Variants in RFX8 observed in about 807,000 individuals in gnomAD.
RFX8 encodes the protein regulatory factor X8.
A neutral mutation model predicts 54.6 loss-of-function variants in RFX8; 46 were observed. The ratio of observed to expected loss-of-function variants is 0.84; its 90% CI spans 0.67 to 1.08. RFX8 has a LOEUF of 1.08. Ranked by LOEUF, RFX8 falls within the 50% of genes least tolerant of loss-of-function variation. The pLI is 0.00. For missense variants in RFX8, 536 were observed against 562.3 expected (o/e 0.95, Z 0.47); for synonymous variants, 192 against 209.5 (o/e 0.92, Z 0.72).
At chr2:101,406,582 C>T (rs2104528584) in intron 9 of RFX8, among the ~76,000 whole-genome samples, 1 of 152,198 alleles carries the variant, frequency 6.6e-6, no homozygotes, top group Non-Finnish European at 1.5e-5. Flanking sequence ...CTCAAGTGAT[C>T]CTCCTGTCTC....
At chr2:101,450,502 A>T in intron 2 of RFX8, 1 of 634,234 alleles carries the variant, frequency 1.6e-6, no homozygotes, top group Non-Finnish European at 2.8e-6. Context: ...TGTTGGGATT[A>T]CAGGCGTGAG....
intron 1 of RFX8, among the ~76,000 whole-genome samples, chr2:101,469,102 ATATAAGTGTATATATATATAAG>A (rs1357123356): frequency 3.7e-5 from 1 of 27,172 alleles, no homozygotes; most frequent in Non-Finnish European, 1.0e-4. Flanking sequence ...AAGTATATAT[ATATAAGTGTATATATATATAAG>A]TATATATATA....
chr2:101,470,515 G>A (rs988607893), intron 1 of RFX8, among the ~76,000 whole-genome samples: 1 of 152,082 alleles, frequency 6.6e-6, no homozygotes, highest in Non-Finnish European at 1.5e-5. Context: ...CATTTGAAGT[G>A]AATCAGATCA....
At chr2:101,412,490 G>A (rs1163895985) in intron 8 of RFX8, among the ~76,000 whole-genome samples, 1 of 152,260 alleles carries the variant, frequency 6.6e-6, no homozygotes, top group Non-Finnish European at 1.5e-5. Flanking sequence ...AGTAACAAGA[G>A]TGATGGGAGA....
intron 3 of RFX8, 65 bp from the exon 4 acceptor site, chr2:101,421,842 G>T: frequency 8.1e-7 from 1 of 1,231,178 alleles, no homozygotes; most frequent in Non-Finnish European, 1.1e-6. Context: ...GATCTTCACA[G>T]ACTTTTCTGA....
intron 2 of RFX8, among the ~76,000 whole-genome samples, chr2:101,462,166 C>A (rs1689318642): frequency 6.6e-6 from 1 of 152,186 alleles, no homozygotes; most frequent in Non-Finnish European, 1.5e-5. Flanking sequence ...TGGCTCACAC[C>A]TGTAATCCCA....
At chr2:101,430,513 A>G (rs937711507) in intron 2 of RFX8, among the ~76,000 whole-genome samples, 1 of 152,212 alleles carries the variant, frequency 6.6e-6, no homozygotes, top group African/African-American at 2.4e-5. Context: ...GTGAACAAAG[A>G]AAAGAACATG....
intron 2 of RFX8, chr2:101,450,448 A>G (rs1558879467): frequency 3.7e-6 from 2 of 540,110 alleles, no homozygotes; most frequent in Non-Finnish European, 6.6e-6. Flanking sequence ...GTCTTGAACT[A>G]CTGAACTCAA....
intron 2 of RFX8, among the ~76,000 whole-genome samples, chr2:101,423,841 C>T (rs1010232433): frequency 6.6e-6 from 1 of 152,132 alleles, no homozygotes; most frequent in African/African-American, 2.4e-5. Context: ...CTGTGTTTTC[C>T]TCCTCTCCGA....
intron 10 of RFX8, among the ~76,000 whole-genome samples, chr2:101,405,465 A>C (rs1348039271): frequency 1.3e-5 from 2 of 152,056 alleles, no homozygotes; most frequent in African/African-American, 2.4e-5. Flanking sequence ...CCTTTTTATA[A>C]GGCAATTGCA....
intron 2 of RFX8, among the ~76,000 whole-genome samples, chr2:101,423,236 C>T (rs995970135): frequency 1.6e-4 from 21 of 134,750 alleles, no homozygotes; most frequent in Middle Eastern, 4.6e-3. Context: ...CTAGCCTTGG[C>T]GACAAAGAGC....
intron 2 of RFX8, among the ~76,000 whole-genome samples, chr2:101,448,271 T>G (rs1688499731): frequency 6.6e-6 from 1 of 152,196 alleles, no homozygotes; most frequent in African/African-American, 2.4e-5. Context: ...CCAAAGGACT[T>G]GTGGACACCC....
At chr2:101,448,448 C>T (rs1195512276) in intron 2 of RFX8, among the ~76,000 whole-genome samples, 4 of 152,176 alleles carry the variant, frequency 2.6e-5, no homozygotes, top group East Asian at 1.9e-4. Flanking sequence ...CCTCCTTCTC[C>T]GACACCACCT....
intron 4 of RFX8, chr2:101,421,330 C>G (rs984866972): frequency 1.0e-5 from 10 of 991,262 alleles, no homozygotes; most frequent in African/African-American, 1.7e-5. Context: ...CCAGATCACT[C>G]AGCTGCGAAG....
chr2:101,473,475 T>C (rs185911368), intron 1 of RFX8, among the ~76,000 whole-genome samples: 1 of 152,312 alleles, frequency 6.6e-6, no homozygotes, highest in African/African-American at 2.4e-5. Context: ...GGTAACTGTT[T>C]AGGCCTGCCA....
intron 2 of RFX8, among the ~76,000 whole-genome samples, chr2:101,463,323 C>G (rs1573483989): frequency 6.6e-6 from 1 of 152,216 alleles, no homozygotes; most frequent in African/African-American, 2.4e-5. Flanking sequence ...CACCCTCTTC[C>G]CTGGTGTGGG....
chr2:101,438,354 C>T (rs1340200419), intron 2 of RFX8, among the ~76,000 whole-genome samples: 1 of 152,072 alleles, frequency 6.6e-6, no homozygotes, highest in African/African-American at 2.4e-5. Flanking sequence ...TGTATATGTA[C>T]CACATTTTCT....
intron 2 of RFX8, among the ~76,000 whole-genome samples, chr2:101,446,926 A>T (rs1299147148): frequency 6.6e-6 from 1 of 152,120 alleles, no homozygotes; most frequent in Non-Finnish European, 1.5e-5. Flanking sequence ...CACTAAAATA[A>T]ATCTCTCATT....
At chr2:101,420,680 C>T (rs758481474) in intron 4 of RFX8, among the ~76,000 whole-genome samples, 2 of 152,188 alleles carry the variant, frequency 1.3e-5, no homozygotes, top group Non-Finnish European at 2.9e-5. Flanking sequence ...CCTGGAATCC[C>T]TCTCCTACCC....
Sources: allele counts gnomAD v4.1 joint callset (sites outside exome capture counted in the v4.1 genomes callset), GRCh38; gene constraint gnomAD v4.1.1; transcripts MANE v1.5; gene names NCBI Gene and HGNC (gene_info 2026-07-23, HGNC 2026-07-21).